PRKCB: variants seen among roughly 807,000 people sequenced by gnomAD.
The protein encoded by PRKCB is protein kinase C beta type.
PRKCB carries 13 observed loss-of-function variants against 81.5 expected under a neutral mutation model. That is an observed-to-expected ratio of 0.16 (90% CI 0.10 to 0.25). The LOEUF is 0.25. PRKCB is among the 10% of genes least tolerant of loss of function. The probability of loss-of-function intolerance (pLI) is 1.00; values close to 1 mark genes in which losing one functional copy is unlikely to be tolerated. For missense variants in PRKCB, 509 were observed against 875.7 expected (o/e 0.58, Z 5.29); for synonymous variants, 335 against 321.4 (o/e 1.04, Z -0.45).
intron 9 of PRKCB, among the ~76,000 whole-genome samples, chr16:24,140,627 T>C (rs1340185124): frequency 6.6e-6 from 1 of 152,136 alleles, no homozygotes. Context: ...GTCGCAGGAC[T>C]GGCTTATGGG....
At chr16:23,946,755 G>A (rs539586833) in intron 2 of PRKCB, among the ~76,000 whole-genome samples, 1 of 152,292 alleles carries the variant, frequency 6.6e-6, no homozygotes, top group Admixed American at 6.5e-5. Flanking sequence ...GTAGGTCTGG[G>A]GAGGGGCCGG....
chr16:24,025,803 G>A (rs1965472174), intron 3 of PRKCB, among the ~76,000 whole-genome samples: 1 of 152,230 alleles, frequency 6.6e-6, no homozygotes, highest in African/African-American at 2.4e-5. Flanking sequence ...AAAGTTGGGA[G>A]TGAGGAGAGA....
intron 3 of PRKCB, among the ~76,000 whole-genome samples, chr16:24,006,829 G>A (rs1048028235): frequency 2.0e-5 from 3 of 149,810 alleles, no homozygotes; most frequent in Admixed American, 6.6e-5. Flanking sequence ...TACTGATACG[G>A]GGAGCAGGGG....
At chr16:24,035,147 G>A (rs922744366) in intron 4 of PRKCB, among the ~76,000 whole-genome samples, 1 of 152,218 alleles carries the variant, frequency 6.6e-6, no homozygotes, top group Non-Finnish European at 1.5e-5. Flanking sequence ...GCCTTAAGGG[G>A]TGTGGGGTGT....
At chr16:23,956,294 TA>T (rs1331449546) in intron 2 of PRKCB, among the ~76,000 whole-genome samples, 18 of 151,986 alleles carry the variant, frequency 1.2e-4, no homozygotes, top group South Asian at 2.1e-4. Context: ...ATTTTTGTAA[TA>T]TTTTTTTTTT....
intron 2 of PRKCB, among the ~76,000 whole-genome samples, chr16:23,972,804 C>T (rs1391328088): frequency 6.6e-6 from 1 of 152,128 alleles, no homozygotes; most frequent in Non-Finnish European, 1.5e-5. Context: ...ATACTGAGCT[C>T]CTGTTATGTG....
intron 13 of PRKCB, among the ~76,000 whole-genome samples, chr16:24,182,534 A>G (rs771221273): frequency 2.6e-5 from 4 of 152,114 alleles, no homozygotes; most frequent in Admixed American, 6.5e-5. Context: ...AAAAGAAAGA[A>G]AGAAAGAAAG....
chr16:23,941,219 T>A (rs1964137293), intron 2 of PRKCB, among the ~76,000 whole-genome samples: 1 of 152,192 alleles, frequency 6.6e-6, no homozygotes, highest in Non-Finnish European at 1.5e-5. Context: ...TTCCAATAAA[T>A]CTTTATCAAA....
chr16:24,086,079 C>T (rs900401899), intron 5 of PRKCB, among the ~76,000 whole-genome samples: 1 of 152,102 alleles, frequency 6.6e-6, no homozygotes, highest in Non-Finnish European at 1.5e-5. Context: ...GATTATACAG[C>T]ATGGCCAGTT....
intron 5 of PRKCB, among the ~76,000 whole-genome samples, chr16:24,054,950 T>A (rs1161115467): frequency 2.6e-5 from 4 of 152,236 alleles, no homozygotes; most frequent in Non-Finnish European, 5.9e-5. Flanking sequence ...GGGCAGAGAC[T>A]GTTGTGTAGG....
chr16:24,203,881 C>T (rs1007511168), intron 16 of PRKCB, among the ~76,000 whole-genome samples: 1 of 152,090 alleles, frequency 6.6e-6, no homozygotes, highest in Admixed American at 6.6e-5. Flanking sequence ...TTCTCACTTC[C>T]TCTAACTGGG....
chr16:24,047,607 G>T (rs1032113499), intron 5 of PRKCB, among the ~76,000 whole-genome samples: 1 of 151,936 alleles, frequency 6.6e-6, no homozygotes, highest in Non-Finnish European at 1.5e-5. Context: ...GGCTGGATTT[G>T]TACCCTGGGT....
chr16:24,070,916 G>T (rs1966099769), intron 5 of PRKCB, among the ~76,000 whole-genome samples: 1 of 152,194 alleles, frequency 6.6e-6, no homozygotes, highest in Admixed American at 6.5e-5. Context: ...AAGAAAGGAA[G>T]AAATCCTGTG....
intron 3 of PRKCB, among the ~76,000 whole-genome samples, chr16:24,023,453 C>G (rs1965434304): frequency 6.6e-6 from 1 of 152,202 alleles, no homozygotes; most frequent in Non-Finnish European, 1.5e-5. Flanking sequence ...ACTGCAAGCT[C>G]TGCCTCCCAG....
intron 5 of PRKCB, among the ~76,000 whole-genome samples, chr16:24,073,478 C>A (rs1750302766): frequency 1.3e-5 from 2 of 152,116 alleles, no homozygotes; most frequent in African/African-American, 2.4e-5. Flanking sequence ...ACTACAGGCG[C>A]ATGCCACCAT....
chr16:24,050,466 A>G (rs1198559290), intron 5 of PRKCB, among the ~76,000 whole-genome samples: 1 of 149,270 alleles, frequency 6.7e-6, no homozygotes, highest in Non-Finnish European at 1.5e-5. Flanking sequence ...GGTTTTATGT[A>G]ACACACACAC....
chr16:24,007,242 C>T (rs1216544595), intron 3 of PRKCB, among the ~76,000 whole-genome samples: 1 of 152,180 alleles, frequency 6.6e-6, no homozygotes, highest in Non-Finnish European at 1.5e-5. Flanking sequence ...GAGCTTCATG[C>T]CGTAACTGGC....
chr16:24,091,688 G>A (rs1165283996), intron 5 of PRKCB, among the ~76,000 whole-genome samples: 3 of 152,044 alleles, frequency 2.0e-5, no homozygotes, highest in Non-Finnish European at 2.9e-5. Context: ...TTGGCTCACT[G>A]CAAGCTCTGC....
chr16:24,020,966 A>T (rs1257425993), intron 3 of PRKCB, among the ~76,000 whole-genome samples: 2 of 85,234 alleles, frequency 2.3e-5, no homozygotes, highest in African/African-American at 4.4e-5. Context: ...AGACTGAGAG[A>T]GACTTTTCTT....
Sources: allele counts gnomAD v4.1 joint callset (sites outside exome capture counted in the v4.1 genomes callset), GRCh38; gene constraint gnomAD v4.1.1; transcripts MANE v1.5; gene names NCBI Gene and HGNC (gene_info 2026-07-23, HGNC 2026-07-21).